The following KCNIP4 variants were observed in gnomAD, a reference collection of about 807,000 sequenced individuals.
KCNIP4 encodes potassium voltage-gated channel interacting protein 4.
A neutral mutation model predicts 34.0 loss-of-function variants in KCNIP4; 12 were observed. The ratio of observed to expected loss-of-function variants is 0.35; its 90% CI spans 0.23 to 0.57. KCNIP4 has a LOEUF of 0.57. Ranked by LOEUF, KCNIP4 falls within the 20% of genes least tolerant of loss-of-function variation. KCNIP4 has a pLI of 0.83. For missense variants in KCNIP4, 238 were observed against 311.7 expected, an observed-to-expected ratio of 0.76 and a Z score of 1.78; for synonymous variants, 124 against 102.2, an observed-to-expected ratio of 1.21 and a Z score of -1.29.
At chr4:21,558,950 C>CA (rs1163339730) in intron 1 of KCNIP4, among the ~76,000 whole-genome samples, 6 of 152,060 alleles carry the variant, frequency 3.9e-5, no homozygotes, top group African/African-American at 1.4e-4. Context: ...TATTTCAAGT[C>CA]AAAAAAATTA....
At chr4:21,405,843 T>C (rs1314149248) in intron 1 of KCNIP4, among the ~76,000 whole-genome samples, 1 of 152,232 alleles carries the variant, frequency 6.6e-6, no homozygotes, top group Non-Finnish European at 1.5e-5. Context: ...ATGTTATTTA[T>C]TTTTGTTTTG....
chr4:21,906,849 A>G (rs111255187), intron 1 of KCNIP4, among the ~76,000 whole-genome samples: 98 of 152,282 alleles, frequency 6.4e-4, no homozygotes, highest in African/African-American at 2.3e-3. Context: ...TCCAAAGCAA[A>G]ACAGTATCAT....
chr4:20,806,165 TG>T (rs1392220948), intron 3 of KCNIP4, among the ~76,000 whole-genome samples: 1 of 152,108 alleles, frequency 6.6e-6, no homozygotes, highest in Non-Finnish European at 1.5e-5. Context: ...GTTTCTTTAT[TG>T]TCACTTTGTT....
At chr4:21,130,664 G>C (rs904274759) in intron 1 of KCNIP4, among the ~76,000 whole-genome samples, 4 of 152,176 alleles carry the variant, frequency 2.6e-5, no homozygotes, top group African/African-American at 4.8e-5. Flanking sequence ...TTCTTAAAAA[G>C]AGGTTAATAA....
intron 1 of KCNIP4, among the ~76,000 whole-genome samples, chr4:21,622,025 T>C (rs933169147): frequency 1.3e-5 from 2 of 152,206 alleles, no homozygotes; most frequent in African/African-American, 4.8e-5. Flanking sequence ...CCAGGCAACT[T>C]TGCCTTTCAA....
intron 5 of KCNIP4, among the ~76,000 whole-genome samples, chr4:20,747,675 C>T (rs1045072696): frequency 3.9e-5 from 6 of 152,086 alleles, no homozygotes; most frequent in African/African-American, 1.2e-4. Context: ...TTTCTCTTCT[C>T]AGTGCTATTT....
At chr4:20,870,028 T>A (rs920620979) in intron 2 of KCNIP4, among the ~76,000 whole-genome samples, 15 of 152,182 alleles carry the variant, frequency 9.9e-5, no homozygotes, top group Non-Finnish European at 1.9e-4. Context: ...ATACTTATTA[T>A]TATATCACTT....
At chr4:21,748,818 A>T (rs1716954730) in intron 1 of KCNIP4, among the ~76,000 whole-genome samples, 1 of 152,140 alleles carries the variant, frequency 6.6e-6, no homozygotes, top group South Asian at 2.1e-4. Flanking sequence ...AAAAAAATAA[A>T]AAGTTAGGGA....
At chr4:20,870,195 G>T (rs992294199) in intron 2 of KCNIP4, among the ~76,000 whole-genome samples, 20 of 152,016 alleles carry the variant, frequency 1.3e-4, no homozygotes, top group Admixed American at 1.1e-3. Context: ...TCCCAGTGTT[G>T]GGGGAGGCAC....
At position 21,295,022 on chromosome 4, in the gene KCNIP4, C is replaced by T. The variant is rs116322266; in HGVS notation, c.62-412313G>A. On this transcript the variant is annotated intron_variant, in intron 1 of 8. Transcript: ENST00000382152. ...GTTCAAGGAATATTATTTGACTTTT[C>T]GAAATTCCTTCTCTAGTAAAGTCCT... Among the ~76,000 whole-genome samples, 1,308 of 152,182 alleles carry T rather than the reference C, an allele frequency of 8.6e-3. 25 individuals carry two copies. The highest frequency in any genetic ancestry group is 0.03 in the African/African-American group (1,251 of 41,506).
At chr4:21,912,587 G>A (rs1050635618) in intron 1 of KCNIP4, among the ~76,000 whole-genome samples, 25 of 152,158 alleles carry the variant, frequency 1.6e-4, no homozygotes, top group Admixed American at 1.1e-3. Context: ...ACAGTGAGGC[G>A]TCTATGAAGG....
At position 21,922,754 on chromosome 4, in the gene KCNIP4, T is replaced by A. The variant is rs148706495; in HGVS notation, c.61+25817A>T. On this transcript the variant is annotated intron_variant, in intron 1 of 8. Transcript: ENST00000382152. Reference sequence around the variant, plus strand: ...AGTGGAGTGAAACAAAAATCAGTAATGAATACAGAAGAAGGATGACATTTG... The same window carrying A: ...AGTGGAGTGAAACAAAAATCAGTAAAGAATACAGAAGAAGGATGACATTTG... Among the ~76,000 whole-genome samples the A allele has an allele frequency of 9.2e-5, 14 of 152,222 alleles. No individual in the cohort carries two copies. In the East Asian group the frequency reaches 2.7e-3, roughly 29 times the overall value.
At chr4:21,017,665 T>C (rs1739670275) in intron 1 of KCNIP4, among the ~76,000 whole-genome samples, 1 of 152,228 alleles carries the variant, frequency 6.6e-6, no homozygotes. Context: ...TGTGCATGTA[T>C]CTTTATAATA....
intron 1 of KCNIP4, among the ~76,000 whole-genome samples, chr4:21,703,553 A>G (rs1455530259): frequency 6.6e-6 from 1 of 152,144 alleles, no homozygotes; most frequent in Non-Finnish European, 1.5e-5. Flanking sequence ...GTCATAGGAT[A>G]CTAGCTAAGT....
intron 3 of KCNIP4, among the ~76,000 whole-genome samples, chr4:20,826,966 T>C (rs1428568586): frequency 1.3e-5 from 2 of 152,170 alleles, no homozygotes; most frequent in African/African-American, 4.8e-5. Context: ...CATCAACTTC[T>C]TCTTCCCCTG....
intron 1 of KCNIP4, among the ~76,000 whole-genome samples, chr4:21,556,939 AAAAAC>A (rs917589243): frequency 1.4e-5 from 2 of 141,002 alleles, no homozygotes; most frequent in African/African-American, 5.2e-5. Flanking sequence ...AAAAAAAAAA[AAAAAC>A]CAGAAAACAA....
chr4:21,559,703 C>G (rs963555127), intron 1 of KCNIP4, among the ~76,000 whole-genome samples: 2 of 151,962 alleles, frequency 1.3e-5, no homozygotes, highest in Non-Finnish European at 2.9e-5. Context: ...CTAGACTATG[C>G]AGAGAAAGTA....
At chr4:21,146,819 C>T (rs952488761) in intron 1 of KCNIP4, among the ~76,000 whole-genome samples, 3 of 152,114 alleles carry the variant, frequency 2.0e-5, no homozygotes, top group African/African-American at 7.2e-5. Context: ...CAATACTAAG[C>T]ATAATTGAAG....
Position 21,450,735 on chromosome 4 carries a change from T to G in KCNIP4, c.61+497836A>C, listed in dbSNP as rs947426952. On this transcript the variant is annotated intron_variant, in intron 1 of 8. Coordinates refer to ENST00000382152, the MANE Select transcript of KCNIP4 (RefSeq NM_025221.6). ...GCCACTTCACACATCAGTGCTTCAG[T>G]TTATCAGTTACAAAATGAGTTTGAC... 2.0e-5 allele frequency among the ~76,000 whole-genome samples: 3 copies of G among 152,294 alleles called. 1 individual carries two copies. Among genetic ancestry groups the G allele is most frequent in the African/African-American group, 7.2e-5 (3 of 41,538 alleles).
Sources: allele counts gnomAD v4.1 joint callset (sites outside exome capture counted in the v4.1 genomes callset), GRCh38; gene constraint gnomAD v4.1.1; transcripts MANE v1.5; gene names NCBI Gene and HGNC (gene_info 2026-07-23, HGNC 2026-07-21).